ANKS1B: variants seen among roughly 807,000 people sequenced by gnomAD.
ANKS1B encodes ankyrin repeat and sterile alpha motif domain-containing protein 1B.
A neutral mutation model predicts 148.3 loss-of-function variants in ANKS1B; 36 were observed. That is an observed-to-expected ratio of 0.24 (90% CI 0.19 to 0.32). The LOEUF is 0.32. Ranked by LOEUF, ANKS1B falls within the 10% of genes least tolerant of loss-of-function variation. The pLI is 1.00. For synonymous variants in ANKS1B, 542 were observed against 560.8 expected (o/e 0.97, Z 0.47); for missense variants, 1,157 against 1,542.6 (o/e 0.75, Z 4.19).
At chr12:98,867,923 C>A (rs535103876) in intron 17 of ANKS1B, among the ~76,000 whole-genome samples, 128 of 152,134 alleles carry the variant, frequency 8.4e-4, no homozygotes, top group Non-Finnish European at 1.6e-3. Context: ...AAAGCTTCTG[C>A]CGTTTATGGG....
At chr12:99,639,339 T>G (rs1371920808) in intron 9 of ANKS1B, among the ~76,000 whole-genome samples, 1 of 152,216 alleles carries the variant, frequency 6.6e-6, no homozygotes, top group Non-Finnish European at 1.5e-5. Context: ...TTTTACAGGC[T>G]CATAAGCAGA....
intron 9 of ANKS1B, among the ~76,000 whole-genome samples, chr12:99,583,132 CTA>C (rs2097586419): frequency 6.6e-6 from 1 of 152,108 alleles, no homozygotes; most frequent in Non-Finnish European, 1.5e-5. Context: ...CCCTGGAAGA[CTA>C]TGTCATTGGT....
chr12:98,751,690 A>G lies in ANKS1B; in HGVS notation c.3580-168T>C, dbSNP rs1035577863. The stretch of plus-strand genomic sequence containing the variant: ...CAAAGAACAGGACACTCCGGGTCCA[A>G]CTTAGGGTTTACACCAGGCTTTAGT... On this transcript the variant is annotated intron_variant, in intron 25 of 26. Coordinates refer to ENST00000683438, the MANE Select transcript of ANKS1B (RefSeq NM_001352186.2). The surrounding 1 kb of genome is among the most constrained non-coding windows in gnomAD (Gnocchi z 4.3). Among the ~76,000 whole-genome samples the G allele has an allele frequency of 1.3e-5, 2 of 152,222 alleles. No homozygotes were observed. The highest frequency in any genetic ancestry group is 4.8e-5 in the African/African-American group (2 of 41,452).
chr12:98,969,797 G>T (rs150186100), intron 17 of ANKS1B, among the ~76,000 whole-genome samples: 733 of 151,770 alleles, frequency 4.8e-3, no homozygotes, highest in Middle Eastern at 0.014. Flanking sequence ...CTTGAACAGA[G>T]AAATGGAATC....
At chr12:99,411,829 G>A (rs2094717776) in intron 11 of ANKS1B, among the ~76,000 whole-genome samples, 1 of 152,072 alleles carries the variant, frequency 6.6e-6, no homozygotes, top group Admixed American at 6.5e-5. Flanking sequence ...AGCTCCTAGT[G>A]CGTGGATATT....
chr12:99,955,472 G>A (rs979299712), intron 1 of ANKS1B, among the ~76,000 whole-genome samples: 39 of 119,840 alleles, frequency 3.3e-4, no homozygotes, highest in South Asian at 2.0e-3. Flanking sequence ...CAGCCTGGGC[G>A]ACAGAGCGAA....
rs567661282 is a variant in ANKS1B, at chr12:99,413,256, G to A, written c.1576-13445C>T. Among the ~76,000 whole-genome samples, 72 of 152,246 alleles carry A rather than the reference G, an allele frequency of 4.7e-4. 1 individual carries two copies. The South Asian group carries it at 0.014, about 29-fold the overall frequency. On this transcript the variant is annotated intron_variant, in intron 11 of 26. Transcript: ENST00000683438. ...CACAGATAATCTCAGTTAAGTGGGA[G>A]AGCTGAAATTAAAGTTAAGTGGGAG... is the stretch of plus-strand genomic sequence containing the variant.
At chr12:99,469,139 A>G (rs907904178) in intron 10 of ANKS1B, among the ~76,000 whole-genome samples, 68 of 152,120 alleles carry the variant, frequency 4.5e-4, no homozygotes, top group African/African-American at 1.6e-3. Flanking sequence ...TGTCCTTTGT[A>G]GGGACATGGA....
intron 9 of ANKS1B, among the ~76,000 whole-genome samples, chr12:99,577,935 C>T (rs1418337026): frequency 1.3e-5 from 2 of 152,134 alleles, no homozygotes; most frequent in East Asian, 1.9e-4. Flanking sequence ...AAACTACAGG[C>T]CAATATCTCT....
chr12:99,400,481 A>G lies in ANKS1B; in HGVS notation c.1576-670T>C, dbSNP rs868120425. ...AAAGTTAAAATCATGGAGTAATAGC[A>G]GATATAATCTATACCCTTTGTCAGT... On this transcript the variant is annotated intron_variant, in intron 11 of 26. Coordinates refer to ENST00000683438, the MANE Select transcript of ANKS1B (RefSeq NM_001352186.2). Among the ~76,000 whole-genome samples the G allele has an allele frequency of 4.8e-5, 7 of 145,656 alleles. 2 individuals carry two copies. Among genetic ancestry groups the G allele is most frequent in the African/African-American group, 1.8e-4 (7 of 38,554 alleles).
chr12:99,297,240 A>G (rs1388603120), intron 12 of ANKS1B, among the ~76,000 whole-genome samples: 1 of 152,224 alleles, frequency 6.6e-6, no homozygotes, highest in Non-Finnish European at 1.5e-5. Flanking sequence ...AGACAGAGGC[A>G]GCAATTAAAA....
At chr12:99,888,493 A>T (rs12318181) in intron 1 of ANKS1B, among the ~76,000 whole-genome samples, 8,646 of 152,300 alleles carry the variant, frequency 0.057, 779 homozygotes, top group African/African-American at 0.2. Flanking sequence ...AACAGAAAAC[A>T]AGTGGAGATA....
At chr12:99,462,903 C>T (rs12315069) in intron 10 of ANKS1B, among the ~76,000 whole-genome samples, 5,775 of 152,246 alleles carry the variant, frequency 0.038, 390 homozygotes, top group African/African-American at 0.13. Context: ...TATGCCTTCT[C>T]CCCCTTTACC....
intron 17 of ANKS1B, among the ~76,000 whole-genome samples, chr12:98,966,142 C>T (rs1048760509): frequency 4.6e-5 from 7 of 152,098 alleles, no homozygotes; most frequent in Non-Finnish European, 1.0e-4. Flanking sequence ...TTTTTGCAAT[C>T]TACTCATCTG....
At chr12:99,279,772 G>A (rs2078154246) in intron 12 of ANKS1B, among the ~76,000 whole-genome samples, 1 of 152,154 alleles carries the variant, frequency 6.6e-6, no homozygotes, top group Admixed American at 6.5e-5. Flanking sequence ...CTAGCACTTT[G>A]GGAGGCCAAG....
chr12:99,121,781 A>G (rs942463187), intron 15 of ANKS1B, among the ~76,000 whole-genome samples: 1 of 152,218 alleles, frequency 6.6e-6, no homozygotes, highest in African/African-American at 2.4e-5. Flanking sequence ...AGATGCTGGC[A>G]AATGAACTGA....
At chr12:99,251,586 AT>A (rs1178613392) in intron 12 of ANKS1B, among the ~76,000 whole-genome samples, 2 of 152,208 alleles carry the variant, frequency 1.3e-5, no homozygotes, top group East Asian at 3.9e-4. Context: ...TATTCAAGGC[AT>A]CATTAGCATT....
intron 17 of ANKS1B, among the ~76,000 whole-genome samples, chr12:98,907,804 T>C (rs2099781466): frequency 6.6e-6 from 1 of 152,146 alleles, no homozygotes; most frequent in African/African-American, 2.4e-5. Context: ...ACTGTTCTTA[T>C]GCTAGTGAAT....
At chr12:99,828,545 C>T (rs1380159552) in intron 1 of ANKS1B, among the ~76,000 whole-genome samples, 2 of 151,708 alleles carry the variant, frequency 1.3e-5, no homozygotes, top group African/African-American at 4.8e-5. Flanking sequence ...AAATTAGGAA[C>T]AAACTACAGA....
Sources: allele counts gnomAD v4.1 joint callset (sites outside exome capture counted in the v4.1 genomes callset), GRCh38; gene constraint gnomAD v4.1.1; non-coding constraint Gnocchi (gnomAD v3.1); transcripts MANE v1.5; gene names NCBI Gene and HGNC (gene_info 2026-07-23, HGNC 2026-07-21).